The following SORCS1 variants were observed in gnomAD, a reference collection of about 807,000 sequenced individuals.
SORCS1 encodes the protein sortilin related VPS10 domain containing receptor 1, also known as VPS10 domain-containing receptor SorCS1.
Under a neutral mutation model 146.1 loss-of-function variants are expected in SORCS1, and 60 were observed. The observed-to-expected ratio is 0.41, with a 90% CI of 0.33 to 0.51. The LOEUF is 0.51. Ranked by LOEUF, SORCS1 falls within the 20% of genes least tolerant of loss-of-function variation. The pLI, the probability that SORCS1 is intolerant of heterozygous loss-of-function variation, is 0.21. For synonymous variants in SORCS1, 637 were observed against 584.0 expected, an observed-to-expected ratio of 1.09 and a Z score of -1.31; for missense variants, 1,352 against 1,487.6, an observed-to-expected ratio of 0.91 and a Z score of 1.50.
intron 1 of SORCS1, among the ~76,000 whole-genome samples, chr10:106,999,225 GAC>G (rs555496650): frequency 2.0e-5 from 3 of 151,808 alleles, no homozygotes; most frequent in Non-Finnish European, 4.4e-5. Context: ...GGCAAATATG[GAC>G]ACACACACCA....
intron 5 of SORCS1, among the ~76,000 whole-genome samples, chr10:106,737,500 G>A (rs1340439976): frequency 6.6e-6 from 1 of 152,098 alleles, no homozygotes; most frequent in Non-Finnish European, 1.5e-5. Flanking sequence ...CGAGGTGGGT[G>A]GATCACTTGA....
chr10:106,829,859 T>C (rs1948464628), intron 2 of SORCS1, among the ~76,000 whole-genome samples, 186 bp from the exon 3 acceptor site: 1 of 152,220 alleles, frequency 6.6e-6, no homozygotes, highest in South Asian at 2.1e-4. Flanking sequence ...GCATTTAGAT[T>C]GAATTGGTAA....
At chr10:106,998,469 C>A (rs1420518574) in intron 1 of SORCS1, among the ~76,000 whole-genome samples, 1 of 152,162 alleles carries the variant, frequency 6.6e-6, no homozygotes, top group Non-Finnish European at 1.5e-5. Context: ...GAGCAAATGG[C>A]ACAATTTCAT....
chr10:106,806,384 A>AAAAAT (rs201338721), intron 3 of SORCS1, among the ~76,000 whole-genome samples: 20,855 of 139,588 alleles, frequency 0.15, 1,678 homozygotes, highest in Middle Eastern at 0.25. Context: ...AAAATAAAAT[A>AAAAAT]AAAATAAAAT....
rs542120564 is a variant in SORCS1 at position 106,691,370 on chromosome 10, G to A, written c.1414-3032C>T. The stretch of plus-strand genomic sequence containing the variant: ...AATGCCCTTCTGAATTCTGCATAAA[G>A]ATCTTTAAGAATTCTAAGTGTGCTG... On this transcript the variant is annotated intron_variant, in intron 9 of 25. Transcript: ENST00000263054. Among the ~76,000 whole-genome samples, 213 of 152,294 alleles carry A rather than the reference G, an allele frequency of 1.4e-3. 1 individual carries two copies. Among genetic ancestry groups the A allele is most frequent in the Non-Finnish European group, 2.0e-3 (136 of 68,022 alleles).
intron 6 of SORCS1, among the ~76,000 whole-genome samples, chr10:106,715,191 T>G (rs777167004): frequency 2.0e-5 from 3 of 152,194 alleles, no homozygotes; most frequent in Non-Finnish European, 4.4e-5. Context: ...TTCTGGTGAG[T>G]GTATGATGTG....
At chr10:107,071,361 C>T (rs915417267) in intron 1 of SORCS1, among the ~76,000 whole-genome samples, 1 of 152,044 alleles carries the variant, frequency 6.6e-6, no homozygotes, top group South Asian at 2.1e-4. Flanking sequence ...GAAAACTTAA[C>T]AAAAAGAAAA....
chr10:106,852,614 C>G (rs148323560), intron 2 of SORCS1, among the ~76,000 whole-genome samples: 1 of 121,882 alleles, frequency 8.2e-6, no homozygotes, highest in Admixed American at 1.1e-4. Context: ...GGTGACAGAG[C>G]GAGACCCTGT....
chr10:106,619,163 G>T (rs1472855205), intron 20 of SORCS1, among the ~76,000 whole-genome samples: 1 of 152,052 alleles, frequency 6.6e-6, no homozygotes, highest in East Asian at 1.9e-4. Flanking sequence ...AAACAATAGG[G>T]GGTACAAAAG....
At chr10:106,913,962 C>CCCAAA (rs1003578468) in intron 2 of SORCS1, among the ~76,000 whole-genome samples, 3 of 152,096 alleles carry the variant, frequency 2.0e-5, no homozygotes, top group Non-Finnish European at 4.4e-5. Flanking sequence ...GTAGGTCCTC[C>CCCAAA]CCAAACCAAA....
Position 107,032,083 on chromosome 10 carries a change from A to G in SORCS1, c.559-75503T>C, listed in dbSNP as rs536627455. On this transcript the variant is annotated intron_variant, in intron 1 of 25. Coordinates refer to ENST00000263054, the MANE Select transcript of SORCS1 (RefSeq NM_052918.5). ...CCTTTTGATAGAGCCAAGAACAGAC[A>G]GCCTTACTGCTTCTCTGTGGGACTA... 2.0e-5 allele frequency among the ~76,000 whole-genome samples: 3 copies of G among 152,270 alleles called. No individual in the cohort carries two copies. The South Asian group carries it at 6.2e-4, about 32-fold the overall frequency.
At chr10:106,739,044 TATGG>T (rs1362848756) in intron 5 of SORCS1, among the ~76,000 whole-genome samples, 2 of 152,136 alleles carry the variant, frequency 1.3e-5, no homozygotes, top group African/African-American at 4.8e-5. Flanking sequence ...ACAGACTCAC[TATGG>T]ATGATCAGAA....
chr10:107,109,923 C>T (rs1008630576), intron 1 of SORCS1, among the ~76,000 whole-genome samples: 1 of 152,162 alleles, frequency 6.6e-6, no homozygotes, highest in African/African-American at 2.4e-5. Context: ...CTGCCAGATA[C>T]CCTAGGTCAT....
At chr10:106,876,668 T>C (rs1231364007) in intron 2 of SORCS1, among the ~76,000 whole-genome samples, 2 of 152,224 alleles carry the variant, frequency 1.3e-5, no homozygotes, top group Non-Finnish European at 1.5e-5. Context: ...TCCATGAGCC[T>C]AATTTTCTCA....
At chr10:106,702,936 C>T (rs1389100972) in intron 8 of SORCS1, among the ~76,000 whole-genome samples, 1 of 152,072 alleles carries the variant, frequency 6.6e-6, no homozygotes, top group Non-Finnish European at 1.5e-5. Context: ...GGAAGGGATC[C>T]TTTGGTAAAA....
chr10:106,800,178 C>T (rs1946793132), intron 3 of SORCS1, among the ~76,000 whole-genome samples: 1 of 152,096 alleles, frequency 6.6e-6, no homozygotes, highest in Non-Finnish European at 1.5e-5. Context: ...GTGATACCTT[C>T]TAACACTAGC....
chr10:106,648,911 GAT>G (rs1407334518), intron 18 of SORCS1, among the ~76,000 whole-genome samples: 8 of 152,000 alleles, frequency 5.3e-5, no homozygotes, highest in Non-Finnish European at 1.0e-4. Context: ...CACACAGGCA[GAT>G]GGACATGGAG....
intron 1 of SORCS1, among the ~76,000 whole-genome samples, chr10:106,994,833 G>T (rs1956925699): frequency 6.6e-6 from 1 of 152,186 alleles, no homozygotes. Context: ...CTTAAGAGTT[G>T]ACATTTCCTA....
chr10:106,747,389 AAGAG>A (rs1857819197), intron 5 of SORCS1, among the ~76,000 whole-genome samples: 1 of 152,200 alleles, frequency 6.6e-6, no homozygotes, highest in African/African-American at 2.4e-5. Context: ...CATTTTTTAG[AAGAG>A]ATTCCTGCAA....
Sources: gnomAD v4.1 joint callset for allele counts (sites outside exome capture counted in the v4.1 genomes callset) on GRCh38, gnomAD v4.1.1 for gene constraint, MANE v1.5 for transcripts, NCBI Gene and HGNC (gene_info 2026-07-23, HGNC 2026-07-21) for gene names.